The following ARHGAP22 variants were observed in gnomAD, a reference collection of about 807,000 sequenced individuals.
ARHGAP22 encodes the protein Rho GTPase activating protein 22, also known as rho GTPase-activating protein 22.
A neutral mutation model predicts 59.1 loss-of-function variants in ARHGAP22; 48 were observed. That is an observed-to-expected ratio of 0.81 (90% CI 0.64 to 1.03). ARHGAP22 has a LOEUF of 1.03. ARHGAP22 is among the 50% of genes least tolerant of loss of function. The pLI, the probability that ARHGAP22 is intolerant of heterozygous loss-of-function variation, is 0.00. For missense variants in ARHGAP22, 1,015 were observed against 958.7 expected (o/e 1.06, Z -0.78); for synonymous variants, 445 against 416.4 (o/e 1.07, Z -0.84).
chr10:48,638,606 C>T (rs764933446), intron 1 of ARHGAP22, among the ~76,000 whole-genome samples: 13 of 152,166 alleles, frequency 8.5e-5, no homozygotes, highest in African/African-American at 1.7e-4. Flanking sequence ...CTTACTTACT[C>T]AAGCCCTCAG....
chr10:48,587,612 C>T (rs2059505918), intron 1 of ARHGAP22, among the ~76,000 whole-genome samples: 1 of 152,170 alleles, frequency 6.6e-6, no homozygotes, highest in Non-Finnish European at 1.5e-5. Context: ...TCCTTTATCT[C>T]TTATCAGAGA....
chr10:48,581,656 T>C (rs1318952895), intron 2 of ARHGAP22, among the ~76,000 whole-genome samples: 1 of 152,254 alleles, frequency 6.6e-6, no homozygotes, highest in East Asian at 1.9e-4. Context: ...TTTATTGTGG[T>C]AATGTATGTG....
chr10:48,600,294 A>C (rs1698067761), intron 1 of ARHGAP22, among the ~76,000 whole-genome samples: 1 of 152,170 alleles, frequency 6.6e-6, no homozygotes, highest in African/African-American at 2.4e-5. Flanking sequence ...CATTTATATA[A>C]AATTGAAGAA....
At chr10:48,621,852 T>A (rs922747424) in intron 1 of ARHGAP22, among the ~76,000 whole-genome samples, 1 of 152,234 alleles carries the variant, frequency 6.6e-6, no homozygotes, top group African/African-American at 2.4e-5. Flanking sequence ...ATGTTTATAT[T>A]GTTATATCTT....
At chr10:48,493,709 G>C (rs2050643362) in intron 3 of ARHGAP22, 1 of 1,318,858 alleles carries the variant, frequency 7.6e-7, no homozygotes, top group African/African-American at 1.5e-5. Flanking sequence ...GTCTGGGGCG[G>C]GGCAAGAAGG....
chr10:48,490,427 T>G (rs1184516111), intron 3 of ARHGAP22, among the ~76,000 whole-genome samples: 1 of 152,064 alleles, frequency 6.6e-6, no homozygotes, highest in East Asian at 1.9e-4. Context: ...GCCAACAGTG[T>G]CTCCATACAT....
intron 3 of ARHGAP22, among the ~76,000 whole-genome samples, chr10:48,534,587 T>G (rs1328949846): frequency 1.3e-5 from 2 of 152,240 alleles, no homozygotes; most frequent in Non-Finnish European, 2.9e-5. Context: ...CAGGAATCAC[T>G]TAGTGGCATA....
chr10:48,625,693 T>TACACACACAC (rs56897057), intron 1 of ARHGAP22, among the ~76,000 whole-genome samples: 67 of 138,964 alleles, frequency 4.8e-4, no homozygotes, highest in South Asian at 2.5e-3. Flanking sequence ...CTGCAACGTG[T>TACACACACAC]ACACACACAC....
intron 1 of ARHGAP22, among the ~76,000 whole-genome samples, chr10:48,622,968 T>C (rs181385968): frequency 3.9e-5 from 6 of 152,352 alleles, no homozygotes; most frequent in Admixed American, 3.9e-4. Flanking sequence ...TGCCTCCCCA[T>C]ACTCAATGCT....
intron 4 of ARHGAP22, 62 bp from the exon 5 acceptor site, chr10:48,459,953 A>G: frequency 6.6e-7 from 1 of 1,519,016 alleles, no homozygotes; most frequent in Non-Finnish European, 9.0e-7. Context: ...GGTGCTCAGG[A>G]CAATGGAGGG....
At chr10:48,579,632 G>A (rs1361389003) in intron 2 of ARHGAP22, among the ~76,000 whole-genome samples, 3 of 152,222 alleles carry the variant, frequency 2.0e-5, no homozygotes, top group African/African-American at 4.8e-5. Context: ...GGAAGAGATA[G>A]GGCTTTGGAG....
chr10:48,467,899 C>A (rs959340283), intron 4 of ARHGAP22, among the ~76,000 whole-genome samples: 2 of 152,156 alleles, frequency 1.3e-5, no homozygotes, highest in Non-Finnish European at 2.9e-5. Context: ...GCTGGACGTG[C>A]AGAGCTGGGT....
Position 48,476,615 on chromosome 10 carries a change from C to T in ARHGAP22, c.451+3021G>A, listed in dbSNP as rs1012595228. Among the ~76,000 whole-genome samples the T allele has an allele frequency of 5.3e-5, 8 of 152,186 alleles. No individual in the cohort carries two copies. The East Asian group carries it at 9.6e-4, about 18-fold the overall frequency. On this transcript the variant is annotated intron_variant, in intron 4 of 9. Transcript: ENST00000249601. ...GATTTCTGCATTTCCTCTGTACTCC[C>T]GGGAGAAAGGAGATAAGCGCCTTTG...
the ARHGAP22 span, among the ~76,000 whole-genome samples, chr10:48,440,884 G>A: frequency 5.9e-5 from 9 of 152,182 alleles, no homozygotes; most frequent in African/African-American, 2.2e-4. Flanking sequence ...AGGGAAGAAA[G>A]GGACTCATTT....
At chr10:48,632,233 T>C (rs576865407) in intron 1 of ARHGAP22, among the ~76,000 whole-genome samples, 1 of 152,316 alleles carries the variant, frequency 6.6e-6, no homozygotes, top group Admixed American at 6.5e-5. Context: ...GCTTTTCCAT[T>C]CCTGAGTTAC....
intron 1 of ARHGAP22, among the ~76,000 whole-genome samples, chr10:48,643,568 A>C (rs1376636918): frequency 6.7e-6 from 1 of 149,732 alleles, no homozygotes; most frequent in Non-Finnish European, 1.5e-5. Flanking sequence ...ACATTTGGAC[A>C]CACGAAGGGG....
chr10:48,654,798 CTTTCTTTCTTTCTTTCTTTCTTT>C (rs1565068622), upstream of ARHGAP22, among the ~76,000 whole-genome samples: 3 of 139,360 alleles, frequency 2.2e-5, no homozygotes, highest in African/African-American at 5.9e-5. Context: ...TTCTTTCTTT[CTTTCTTTCTTTCTTTCTTTCTTT>C]CTTTCTTCCT....
At chr10:48,521,899 T>C (rs2053838840) in intron 3 of ARHGAP22, among the ~76,000 whole-genome samples, 1 of 152,270 alleles carries the variant, frequency 6.6e-6, no homozygotes, top group Non-Finnish European at 1.5e-5. Context: ...GCAAAGGCTC[T>C]GTTTGCTGTG....
chr10:48,566,213 C>A (rs1042642264), intron 2 of ARHGAP22, among the ~76,000 whole-genome samples: 35 of 152,298 alleles, frequency 2.3e-4, no homozygotes, highest in African/African-American at 8.4e-4. Flanking sequence ...AAATGGCAGG[C>A]ATGTTTTAGA....
Sources: allele counts gnomAD v4.1 joint callset (sites outside exome capture counted in the v4.1 genomes callset), GRCh38; gene constraint gnomAD v4.1.1; transcripts MANE v1.5; gene names NCBI Gene and HGNC (gene_info 2026-07-23, HGNC 2026-07-21).